The following SUSD5 variants were observed in gnomAD, a reference collection of about 807,000 sequenced individuals.
SUSD5 encodes the protein sushi domain-containing protein 5.
In SUSD5, 33 loss-of-function variants were observed where a neutral mutation model predicts 29.5. The ratio of observed to expected loss-of-function variants is 1.12; its 90% CI spans 0.85 to 1.49. The LOEUF is 1.49. SUSD5 is among the 40% of genes most tolerant of loss of function. The probability of loss-of-function intolerance (pLI) is 0.00; values close to 1 mark genes in which losing one functional copy is unlikely to be tolerated. For synonymous variants in SUSD5, 308 were observed against 325.3 expected (o/e 0.95, Z 0.57); for missense variants, 776 against 800.6 (o/e 0.97, Z 0.37).
At chr3:33,161,947 A>G (rs1402312578) in intron 4 of SUSD5, among the ~76,000 whole-genome samples, 1 of 152,208 alleles carries the variant, frequency 6.6e-6, no homozygotes, top group East Asian at 1.9e-4. Context: ...AGGTAAGAAT[A>G]TAGATTTGAA....
intron 1 of SUSD5, 114 bp downstream of exon 1, chr3:33,218,572 G>T: frequency 2.0e-6 from 2 of 977,268 alleles, no homozygotes; most frequent in Non-Finnish European, 2.7e-6. Flanking sequence ...GTTCCTCTCA[G>T]GCTTGCGCTT....
At position 33,151,287 on chromosome 3, in the gene SUSD5, C is replaced by T. The variant is rs762009383; in HGVS notation, c.*1455G>A. 3 of 152,182 alleles carry T rather than the reference C, an allele frequency of 2.0e-5. No individual in the cohort carries two copies. The highest frequency in any genetic ancestry group is 6.5e-5 in the Admixed American group (1 of 15,270). 9.4% of individuals were successfully genotyped at this position (152,182 alleles called of 1,614,324 possible). On this transcript the variant is annotated 3_prime_UTR_variant, in exon 5 of 5. Coordinates refer to ENST00000309558, the MANE Select transcript of SUSD5 (RefSeq NM_015551.2). ...ATCTCCAACAAATTCCCAGGTGACG[C>T]TGATGCTACTGGTCTGAGGACCACA...
intron 3 of SUSD5, among the ~76,000 whole-genome samples, chr3:33,206,091 A>G (rs1488525541): frequency 6.6e-6 from 1 of 152,160 alleles, no homozygotes; most frequent in African/African-American, 2.4e-5. Context: ...AGATTATTTA[A>G]ATTTACTAAT....
chr3:33,175,063 C>CGTTCGTGGGA lies in SUSD5; in HGVS notation c.420_421insTCCCACGAAC (p.Gly141SerfsTer25). 1 of 1,614,008 alleles carries CGTTCGTGGGA rather than the reference C, an allele frequency of 6.2e-7. No homozygotes were observed. Among genetic ancestry groups the CGTTCGTGGGA allele is most frequent in the Non-Finnish European group, 8.5e-7 (1 of 1,179,874 alleles). ...GTGTGTGGGAACGAAGGCGGGTCTC[C>CGTTCGTGGGA]ACACGGCTTCTCTGAGGAGAAGGAA... On this transcript the variant is annotated frameshift_variant, in exon 4 of 5. Coordinates refer to ENST00000309558, the MANE Select transcript of SUSD5 (RefSeq NM_015551.2). LOFTEE classifies it high-confidence loss of function.
At chr3:33,183,623 ATC>A (rs1240075649) in intron 3 of SUSD5, among the ~76,000 whole-genome samples, 2 of 152,124 alleles carry the variant, frequency 1.3e-5, no homozygotes, top group Non-Finnish European at 1.5e-5. Context: ...ACAAACTATT[ATC>A]TCTCTGATCA....
In SUSD5 at chr3:33,162,460, A is replaced by C. The variant is rs532171351; in HGVS notation, c.599-8427T>G. Among the ~76,000 whole-genome samples, 45 of 152,358 alleles carry C rather than the reference A, an allele frequency of 3.0e-4. 1 individual carries two copies. In the Middle Eastern group the frequency reaches 0.014, roughly 46 times the overall value. ...AAAGAGGAGAAATAAATAAAAAACA[A>C]ACACACAATACAGAAAATCGACATA... On this transcript the variant is annotated intron_variant, in intron 4 of 4. Transcript: ENST00000309558.
chr3:33,187,246 G>C (rs534175365), intron 3 of SUSD5, among the ~76,000 whole-genome samples: 4 of 152,296 alleles, frequency 2.6e-5, no homozygotes, highest in Non-Finnish European at 5.9e-5. Context: ...AGTAGAGAAG[G>C]AGGAACTTCA....
At chr3:33,183,420 C>A (rs1442212906) in intron 3 of SUSD5, among the ~76,000 whole-genome samples, 2 of 150,856 alleles carry the variant, frequency 1.3e-5, no homozygotes, top group Admixed American at 6.6e-5. Flanking sequence ...TATTTTTATT[C>A]TTTATCTTTT....
intron 4 of SUSD5, among the ~76,000 whole-genome samples, chr3:33,166,210 C>T (rs1334266874): frequency 6.6e-6 from 1 of 152,088 alleles, no homozygotes; most frequent in Non-Finnish European, 1.5e-5. Context: ...GTATCTTGAC[C>T]AAAAACATTG....
At chr3:33,169,251 G>A (rs568500621) in intron 4 of SUSD5, among the ~76,000 whole-genome samples, 6 of 151,744 alleles carry the variant, frequency 4.0e-5, no homozygotes, top group East Asian at 1.9e-4. Flanking sequence ...ACGAAGTTTC[G>A]CTCTTGCTGC....
rs192918739 is a variant in SUSD5, at chr3:33,172,797, C to A, written c.598+2089G>T. Among the ~76,000 whole-genome samples, 9 of 152,330 alleles carry A rather than the reference C, an allele frequency of 5.9e-5. No individual in the cohort carries two copies. In the East Asian group the frequency reaches 1.7e-3, roughly 29 times the overall value. ...GGAATTTTATGTCTACTTAATTTAA[C>A]ACAGATTGTGCTTATATTTAGAATC... On this transcript the variant is annotated intron_variant, in intron 4 of 4. Transcript: ENST00000309558.
rs1301422172 is a variant in SUSD5 at position 33,153,901 on chromosome 3, G to A, written c.731C>T (p.Ala244Val). The A allele has an allele frequency of 1.9e-6, 3 of 1,613,880 alleles. No individual in the cohort carries two copies. The highest frequency in any genetic ancestry group is 1.7e-5 in the Admixed American group (1 of 60,006). Residue 244 changes from alanine (A) to valine (V), a missense_variant, in exon 5 of 5, where the codon GCT becomes GTT. By Grantham distance (64) the Ala-to-Val change is moderately conservative. Coordinates refer to ENST00000309558, the MANE Select transcript of SUSD5 (RefSeq NM_015551.2). ...DRGQGDSSEE[A>V]PKQDRLVSIS... ...GGAGACCAGACGGTCCTGTTTTGGA[G>A]CCTCCTCAGAGGAGTCTCCCTGACC...
intron 4 of SUSD5, among the ~76,000 whole-genome samples, chr3:33,156,110 G>C (rs545899847): frequency 6.6e-6 from 1 of 151,528 alleles, no homozygotes; most frequent in African/African-American, 2.4e-5. Flanking sequence ...GTGCAATCTA[G>C]GCTCACTGCA....
At chr3:33,156,424 C>A (rs2031054282) in intron 4 of SUSD5, among the ~76,000 whole-genome samples, 1 of 152,110 alleles carries the variant, frequency 6.6e-6, no homozygotes, top group South Asian at 2.1e-4. Flanking sequence ...CTGAATTCAA[C>A]TGAATAAGAA....
chr3:33,152,823 G>C lies in SUSD5; in HGVS notation c.1809C>G (p.His603Gln), dbSNP rs745720150. 8.1e-6 allele frequency: 13 copies of C among 1,613,896 alleles called. No individual in the cohort carries two copies. In the Admixed American group the frequency reaches 2.2e-4, roughly 27 times the overall value. The stretch of plus-strand genomic sequence containing the variant: ...CATTCAGCTTGTACACAGAGCTCTT[G>C]TGCTGGCACTTGCGGTAGCCCCACA... ...GMVWGYRKCQ[H>Q]KSSVYKLNVG... The change falls in exon 5 of 5, where the codon CAC becomes CAG. Residue 603 changes from histidine (H) to glutamine (Q), a missense_variant. Coordinates refer to ENST00000309558, the MANE Select transcript of SUSD5 (RefSeq NM_015551.2).
intron 4 of SUSD5, among the ~76,000 whole-genome samples, chr3:33,173,925 C>T (rs1468897498): frequency 1.3e-5 from 2 of 152,160 alleles, no homozygotes; most frequent in South Asian, 2.1e-4. Context: ...CCAGGCCTGG[C>T]TGTGGCTGGA....
At chr3:33,181,536 A>G (rs2031673596) in intron 3 of SUSD5, among the ~76,000 whole-genome samples, 1 of 151,648 alleles carries the variant, frequency 6.6e-6, no homozygotes. Flanking sequence ...CCCTGCCTAG[A>G]TATTTTTTTC....
intron 4 of SUSD5, among the ~76,000 whole-genome samples, chr3:33,165,628 AGG>A (rs147678730): frequency 2.0e-4 from 31 of 152,368 alleles, no homozygotes; most frequent in Non-Finnish European, 3.7e-4. Flanking sequence ...ACTGATATTC[AGG>A]AAGAAAAGGC....
At chr3:33,195,208 G>A (rs142270144) in intron 3 of SUSD5, among the ~76,000 whole-genome samples, 2,577 of 152,176 alleles carry the variant, frequency 0.017, 60 homozygotes, top group African/African-American at 0.056. Context: ...ACAAACAAAC[G>A]AAACAATAAA....
Sources: gnomAD v4.1 joint callset for allele counts (sites outside exome capture counted in the v4.1 genomes callset) on GRCh38, gnomAD v4.1.1 for gene constraint, MANE v1.5 for transcripts, NCBI Gene and HGNC (gene_info 2026-07-23, HGNC 2026-07-21) for gene names.